Variants in FCER1A observed in about 807,000 individuals in gnomAD.
FCER1A encodes Fc epsilon receptor Ia, also known as high affinity immunoglobulin epsilon receptor subunit alpha.
In FCER1A, 24 loss-of-function variants were observed where a neutral mutation model predicts 23.6. The ratio of observed to expected loss-of-function variants is 1.02; its 90% CI spans 0.74 to 1.43. FCER1A has a LOEUF of 1.43. Among genes scored for constraint, FCER1A ranks in the 40% most tolerant of loss-of-function variants. The pLI, the probability that FCER1A is intolerant of heterozygous loss-of-function variation, is 0.00. For synonymous variants in FCER1A, 121 were observed against 108.8 expected, an observed-to-expected ratio of 1.11 and a Z score of -0.70; for missense variants, 318 against 294.5, an observed-to-expected ratio of 1.08 and a Z score of -0.58.
intron 3 of FCER1A, among the ~76,000 whole-genome samples, chr1:159,304,740 A>G (rs933898348): frequency 2.0e-5 from 3 of 152,072 alleles, no homozygotes; most frequent in South Asian, 2.1e-4. Flanking sequence ...ATTTTCCTCT[A>G]TCTTTTCTGC....
At position 159,303,910 on chromosome 1, in the gene FCER1A, A is replaced by T; in HGVS notation, c.77-18A>T. The stretch of plus-strand genomic sequence containing the variant: ...TTTTTCTCTCTACATGTCTTTTCAT[A>T]TTTTTATCTTCTTGAAGTCCCTCAG... On this transcript the variant is annotated intron_variant, in intron 2 of 4. Coordinates refer to ENST00000693622, the MANE Select transcript of FCER1A (RefSeq NM_001387280.1). The T allele has an allele frequency of 1.9e-6, 3 of 1,597,314 alleles. No homozygotes were observed. Among genetic ancestry groups the T allele is most frequent in the Non-Finnish European group, 2.6e-6 (3 of 1,171,032 alleles).
intron 1 of FCER1A, 114 bp downstream of exon 1, chr1:159,302,533 T>C (rs1652465977): frequency 1.2e-6 from 1 of 826,538 alleles, no homozygotes; most frequent in African/African-American, 1.7e-5. Flanking sequence ...TGCAAACTAT[T>C]GGGCATTTCC....
intron 1 of FCER1A, among the ~76,000 whole-genome samples, chr1:159,291,586 A>G (rs765631105): frequency 1.3e-5 from 2 of 152,158 alleles, no homozygotes; most frequent in Non-Finnish European, 2.9e-5. Flanking sequence ...TCTCTTCTTG[A>G]TTATGCAAGG....
At chr1:159,290,702 G>C (rs1015218641) in intron 1 of FCER1A, among the ~76,000 whole-genome samples, 1 of 152,206 alleles carries the variant, frequency 6.6e-6, no homozygotes, top group Non-Finnish European at 1.5e-5. Flanking sequence ...TAGGATTCCT[G>C]TGAGTATTAA....
chr1:159,307,056 T>A (rs1652638035), intron 4 of FCER1A, among the ~76,000 whole-genome samples: 1 of 152,222 alleles, frequency 6.6e-6, no homozygotes, highest in African/African-American at 2.4e-5. Context: ...ATTTGATAAC[T>A]TAAAAAATAT....
chr1:159,301,239 G>A (rs993474331), upstream of FCER1A, among the ~76,000 whole-genome samples: 10 of 152,076 alleles, frequency 6.6e-5, no homozygotes, highest in Non-Finnish European at 1.5e-4. Context: ...AGATAAAATA[G>A]GACACTCATT....
At chr1:159,302,284 C>T (rs902551764), upstream of FCER1A, 14 of 952,690 alleles carry the variant, frequency 1.5e-5, 1 homozygote, top group South Asian at 1.0e-4. Flanking sequence ...GAAAACATTT[C>T]CTTCTGCTTT....
chr1:159,299,748 G>T (rs978402154), upstream of FCER1A, among the ~76,000 whole-genome samples: 5 of 152,186 alleles, frequency 3.3e-5, no homozygotes, highest in African/African-American at 1.2e-4. Context: ...CCAGATAATG[G>T]ATATGAAACT....
intron 3 of FCER1A, 80 bp downstream of exon 3, chr1:159,304,262 CAAGGGTTAGGA>C: frequency 1.4e-6 from 2 of 1,419,258 alleles, no homozygotes; most frequent in Non-Finnish European, 2.0e-6. Context: ...CAGGTTATTC[CAAGGGTTAGGA>C]CACCAGAGTG....
rs1193023442 is a variant in FCER1A at position 159,307,821 on chromosome 1, A to T, written c.663A>T (p.Gly221=). Reference sequence around the variant, plus strand: ...TGATTCTGTTTGCTGTGGACACAGGATTATTTATCTCAACTCAGCAGCAGG... The same window carrying T: ...TGATTCTGTTTGCTGTGGACACAGGTTTATTTATCTCAACTCAGCAGCAGG... ...LVVILFAVDT[G]LFISTQQQVT... is the part of the protein sequence containing the mutation. Residue 221 remains glycine, a synonymous_variant, in exon 5 of 5, where the codon GGA becomes GGT. Coordinates refer to ENST00000693622, the MANE Select transcript of FCER1A (RefSeq NM_001387280.1). 6.2e-7 allele frequency: 1 copy of T among 1,613,302 alleles called. No homozygotes were observed. The highest frequency in any genetic ancestry group is 2.2e-5 in the East Asian group (1 of 44,892).
chr1:159,292,389 T>G (rs1652176685), intron 1 of FCER1A, among the ~76,000 whole-genome samples: 1 of 152,166 alleles, frequency 6.6e-6, no homozygotes, highest in African/African-American at 2.4e-5. Flanking sequence ...GTCTTCACCA[T>G]GTAATTACTG....
At chr1:159,285,559 G>A (rs1490558711), upstream of FCER1A, among the ~76,000 whole-genome samples, 1 of 151,396 alleles carries the variant, frequency 6.6e-6, no homozygotes, top group Non-Finnish European at 1.5e-5. Context: ...AAAATTTGGT[G>A]TATATATCAG....
upstream of FCER1A, among the ~76,000 whole-genome samples, chr1:159,298,966 T>C (rs1008456294): frequency 5.3e-5 from 8 of 152,230 alleles, no homozygotes; most frequent in Admixed American, 4.6e-4. Flanking sequence ...TATCTATCTA[T>C]CTGTCAATCA....
At chr1:159,294,845 G>A (rs1652253980) in intron 1 of FCER1A, among the ~76,000 whole-genome samples, 1 of 152,128 alleles carries the variant, frequency 6.6e-6, no homozygotes, top group African/African-American at 2.4e-5. Flanking sequence ...GAGATTGCCT[G>A]TTTGGAAAAG....
chr1:159,297,597 A>T (rs1297644261), upstream of FCER1A, among the ~76,000 whole-genome samples: 3 of 152,212 alleles, frequency 2.0e-5, no homozygotes, highest in Non-Finnish European at 4.4e-5. Context: ...AGGCAAAAAG[A>T]GTTTGAGTGG....
chr1:159,298,708 T>A (rs1250367021), upstream of FCER1A, among the ~76,000 whole-genome samples: 2 of 152,232 alleles, frequency 1.3e-5, no homozygotes, highest in Non-Finnish European at 2.9e-5. Flanking sequence ...CTCTCCTTTC[T>A]TCTTTTTAGG....
chr1:159,294,191 C>T (rs1652236717), intron 1 of FCER1A, among the ~76,000 whole-genome samples: 1 of 152,146 alleles, frequency 6.6e-6, no homozygotes, highest in Non-Finnish European at 1.5e-5. Flanking sequence ...ACTAGAAATA[C>T]CATTTGACCC....
At chr1:159,302,524 G>A in intron 1 of FCER1A, 105 bp downstream of exon 1, 1 of 851,926 alleles carries the variant, frequency 1.2e-6, no homozygotes, top group Non-Finnish European at 2.0e-6. Context: ...TAGGACATGT[G>A]CAAACTATTG....
At chr1:159,301,931 G>T (rs959830357), upstream of FCER1A, among the ~76,000 whole-genome samples, 6 of 152,174 alleles carry the variant, frequency 3.9e-5, no homozygotes, top group Non-Finnish European at 7.3e-5. Flanking sequence ...TAGGATTATT[G>T]TGAAAAATAA....
Sources: gnomAD v4.1 joint callset for allele counts (sites outside exome capture counted in the v4.1 genomes callset) on GRCh38, gnomAD v4.1.1 for gene constraint, MANE v1.5 for transcripts, NCBI Gene and HGNC (gene_info 2026-07-23, HGNC 2026-07-21) for gene names.